Variants in PDS5B observed in about 807,000 individuals in gnomAD.
PDS5B encodes sister chromatid cohesion protein PDS5 homolog B.
In PDS5B, 51 loss-of-function variants were observed where a neutral mutation model predicts 184.1. The ratio of observed to expected loss-of-function variants is 0.28; its 90% confidence interval spans 0.22 to 0.35. The LOEUF (loss-of-function observed/expected upper bound fraction) is 0.35. PDS5B is among the 10% of genes least tolerant of loss of function. PDS5B has a pLI of 1.00. For missense variants in PDS5B, 1,180 were observed against 1,723.3 expected (o/e 0.68, Z 5.58); for synonymous variants, 566 against 569.2 (o/e 0.99, Z 0.08).
rs1954250677 is a variant in PDS5B, at chr13:32,758,068, T to C, written c.3057-19T>C. On this transcript the variant is annotated intron_variant, in intron 26 of 34. Transcript: ENST00000315596. Reference sequence around the variant, plus strand: ...ATGATTTTCTTCTATATTTCTTTTTTCCTTTTTTTTTTTTTTAGATGTCTT... The same window carrying C: ...ATGATTTTCTTCTATATTTCTTTTTCCCTTTTTTTTTTTTTTAGATGTCTT... 4 of 1,181,172 alleles carry C rather than the reference T, an allele frequency of 3.4e-6. No homozygotes were observed. The highest frequency in any genetic ancestry group is 2.7e-5 in the East Asian group (1 of 36,680). 73.2% of individuals were successfully genotyped at this position (1,181,172 alleles called of 1,614,324 possible). A position where few individuals can be genotyped will look rare whatever the true frequency, so the allele number is the denominator to read the frequency against.
intron 10 of PDS5B, among the ~76,000 whole-genome samples, chr13:32,683,398 G>A (rs944242347): frequency 2.1e-5 from 3 of 143,676 alleles, no homozygotes; most frequent in African/African-American, 7.8e-5. Flanking sequence ...TCCGCTCACC[G>A]CAGCCTCTCC....
chr13:32,762,918 G>C (rs1954458550), intron 30 of PDS5B, among the ~76,000 whole-genome samples: 1 of 152,154 alleles, frequency 6.6e-6, no homozygotes, highest in South Asian at 2.1e-4. Flanking sequence ...TCCCTTGTTT[G>C]CTTTCAAGAC....
chr13:32,754,086 GTTAA>G (rs1276070505), intron 25 of PDS5B, among the ~76,000 whole-genome samples: 3 of 151,982 alleles, frequency 2.0e-5, no homozygotes, highest in Non-Finnish European at 4.4e-5. Flanking sequence ...ACCAAATTCT[GTTAA>G]TTCTTTCTCC....
intron 13 of PDS5B, among the ~76,000 whole-genome samples, chr13:32,692,415 C>CTTTTTTTTT (rs1566334927): frequency 1.1e-4 from 6 of 53,788 alleles, no homozygotes; most frequent in Non-Finnish European, 1.7e-4. Flanking sequence ...TCCAAAAAGC[C>CTTTTTTTTT]TTTTTTTTTT....
chr13:32,618,881 A>G (rs532059943), intron 1 of PDS5B, among the ~76,000 whole-genome samples: 7 of 152,012 alleles, frequency 4.6e-5, no homozygotes, highest in East Asian at 1.9e-4. Context: ...TGCCATATGG[A>G]TAGTTGTCAC....
At chr13:32,737,028 G>A (rs916998046) in intron 21 of PDS5B, among the ~76,000 whole-genome samples, 1 of 152,058 alleles carries the variant, frequency 6.6e-6, no homozygotes, top group Non-Finnish European at 1.5e-5. Flanking sequence ...TCTTAATTAT[G>A]TGAAGTTTGT....
intron 31 of PDS5B, among the ~76,000 whole-genome samples, chr13:32,765,972 T>A (rs377099208): frequency 3.3e-5 from 5 of 152,380 alleles, no homozygotes; most frequent in African/African-American, 1.2e-4. Context: ...TTATTGGCTG[T>A]TTAAAATTTT....
chr13:32,636,935 G>T (rs2058571549), intron 1 of PDS5B, among the ~76,000 whole-genome samples: 2 of 152,192 alleles, frequency 1.3e-5, no homozygotes, highest in South Asian at 4.1e-4. Context: ...AGGCATGAGG[G>T]CTAGAGAAGA....
At chr13:32,758,387 C>T in intron 27 of PDS5B, 147 bp from the exon 28 acceptor site, 2 of 926,898 alleles carry the variant, frequency 2.2e-6, no homozygotes, top group Non-Finnish European at 1.6e-6. Flanking sequence ...TGAGCAAAAC[C>T]AGTAGTGTAA....
At chr13:32,706,288 A>G (rs1952009308) in intron 17 of PDS5B, among the ~76,000 whole-genome samples, 1 of 123,466 alleles carries the variant, frequency 8.1e-6, no homozygotes, top group South Asian at 2.5e-4. Flanking sequence ...AAAAATAAAT[A>G]AATAAATAAA....
intron 3 of PDS5B, among the ~76,000 whole-genome samples, chr13:32,653,028 C>CG (rs934814336): frequency 4.9e-4 from 74 of 152,098 alleles, no homozygotes; most frequent in African/African-American, 1.8e-3. Flanking sequence ...AGTCTGGGTG[C>CG]GGTGGCTCAC....
chr13:32,774,015 G>A (rs1291304470), intron 34 of PDS5B, among the ~76,000 whole-genome samples: 1 of 152,132 alleles, frequency 6.6e-6, no homozygotes. Context: ...TGTTGGTCAG[G>A]CTGGTCTCGA....
At chr13:32,649,124 G>C (rs1950301227) in intron 2 of PDS5B, 1 of 386,446 alleles carries the variant, frequency 2.6e-6, no homozygotes, top group Admixed American at 4.4e-5. Flanking sequence ...TGGGTATAAA[G>C]AACAAGTCTA....
At chr13:32,618,641 T>C (rs1339575384) in intron 1 of PDS5B, among the ~76,000 whole-genome samples, 2 of 152,238 alleles carry the variant, frequency 1.3e-5, no homozygotes, top group African/African-American at 4.8e-5. Flanking sequence ...TTTACTTTTT[T>C]TGGTGTCTTG....
intron 21 of PDS5B, among the ~76,000 whole-genome samples, chr13:32,736,133 A>T (rs1451205627): frequency 6.6e-6 from 1 of 152,040 alleles, no homozygotes; most frequent in Admixed American, 6.5e-5. Context: ...AATTCCTTTT[A>T]TTCCTTGGTG....
chr13:32,611,503 C>CT (rs35825698), intron 1 of PDS5B, among the ~76,000 whole-genome samples: 22,097 of 110,710 alleles, frequency 0.2, 2,457 homozygotes, highest in South Asian at 0.28. Context: ...TTGGTTAAAA[C>CT]TTTTTTTTTT....
chr13:32,640,614 C>T (rs2058644352), intron 1 of PDS5B, among the ~76,000 whole-genome samples: 1 of 152,062 alleles, frequency 6.6e-6, no homozygotes, highest in Non-Finnish European at 1.5e-5. Context: ...TAATAATATG[C>T]ATATGATAAT....
At chr13:32,652,086 T>G in intron 3 of PDS5B, 79 bp downstream of exon 3, 18 of 945,554 alleles carry the variant, frequency 1.9e-5, no homozygotes, top group South Asian at 2.7e-5. Flanking sequence ...GTTAAGGTAT[T>G]TAGATGATTT....
At chr13:32,653,709 T>C (rs1037389875) in intron 3 of PDS5B, among the ~76,000 whole-genome samples, 2 of 152,232 alleles carry the variant, frequency 1.3e-5, no homozygotes, top group African/African-American at 2.4e-5. Flanking sequence ...AGCTGGTCCA[T>C]GTAGTTGTAT....
Sources: gnomAD v4.1 joint callset for allele counts (sites outside exome capture counted in the v4.1 genomes callset) on GRCh38, gnomAD v4.1.1 for gene constraint, MANE v1.5 for transcripts, NCBI Gene and HGNC (gene_info 2026-07-23, HGNC 2026-07-21) for gene names.